Variants in SLC17A2 observed in about 807,000 individuals in gnomAD.
SLC17A2 encodes sodium-dependent phosphate transport protein 3.
SLC17A2 carries 38 observed loss-of-function variants against 52.1 expected under a neutral mutation model. The observed-to-expected ratio is 0.73, with a 90% CI of 0.56 to 0.96. SLC17A2 has a LOEUF of 0.96. SLC17A2 is among the 40% of genes least tolerant of loss of function. SLC17A2 has a pLI of 0.00. For synonymous variants in SLC17A2, 226 were observed against 211.9 expected (o/e 1.07, Z -0.58); for missense variants, 508 against 583.9 (o/e 0.87, Z 1.34).
intron 10 of SLC17A2, 69 bp downstream of exon 10, chr6:25,915,430 C>A: frequency 7.4e-7 from 1 of 1,350,358 alleles, no homozygotes; most frequent in Non-Finnish European, 9.9e-7. Context: ...AAGAGTTTCA[C>A]GGCGACCACT....
chr6:25,926,847 A>G lies in SLC17A2; in HGVS notation c.-83-968T>C, dbSNP rs139966239. 4.3e-3 allele frequency among the ~76,000 whole-genome samples: 655 copies of G among 152,276 alleles called. 4 individuals are homozygous for G. The highest frequency in any genetic ancestry group is 0.014 in the African/African-American group (579 of 41,554). The stretch of plus-strand genomic sequence containing the variant: ...TTTGGGAGACTGAGGTGGGTGGATC[A>G]CTTGAGGTCAGGTGTTCGAGATCAT... On this transcript the variant is annotated intron_variant, in intron 1 of 11. Transcript: ENST00000377850.
intron 2 of SLC17A2, among the ~76,000 whole-genome samples, chr6:25,924,441 GT>G (rs1766678424): frequency 6.6e-6 from 1 of 151,720 alleles, no homozygotes; most frequent in Non-Finnish European, 1.5e-5. Flanking sequence ...TAATTCCCTA[GT>G]GTAATGTCTA....
intron 6 of SLC17A2, 67 bp downstream of exon 6, chr6:25,918,420 G>C (rs1454665163): frequency 2.1e-6 from 2 of 934,322 alleles, no homozygotes; most frequent in African/African-American, 3.2e-5. Flanking sequence ...AAGAATGTGG[G>C]TGGTGTAGGT....
intron 5 of SLC17A2, among the ~76,000 whole-genome samples, chr6:25,919,775 T>C (rs1233680107): frequency 6.7e-6 from 1 of 148,864 alleles, no homozygotes; most frequent in Non-Finnish European, 1.5e-5. Context: ...AGATGGAATT[T>C]TGGCACAAGG....
chr6:25,922,185 G>A (rs1451413326), intron 3 of SLC17A2, among the ~76,000 whole-genome samples: 1 of 151,792 alleles, frequency 6.6e-6, no homozygotes, highest in Non-Finnish European at 1.5e-5. Context: ...ATAATACAAG[G>A]TATATGATTC....
Position 25,913,216 on chromosome 6 carries a change from G to T in SLC17A2, c.*101C>A. ...CAGGGAAGACTAACACACAGCCAGA[G>T]TTAAGAACTGCTGAGTCTATGGTCA... On this transcript the variant is annotated 3_prime_UTR_variant, in exon 12 of 12. Coordinates refer to ENST00000377850, the MANE Select transcript of SLC17A2 (RefSeq NM_001286123.3). The T allele has an allele frequency of 7.7e-7, 1 of 1,296,470 alleles. No individual in the cohort carries two copies. Among genetic ancestry groups the T allele is most frequent in the Non-Finnish European group, 1.1e-6 (1 of 898,598 alleles). The allele number at this position is 1,296,470 out of a possible 1,614,324, so 80.3% of individuals were successfully genotyped here.
intron 1 of SLC17A2, among the ~76,000 whole-genome samples, chr6:25,926,134 TC>T (rs754958265): frequency 7.2e-5 from 11 of 152,178 alleles, no homozygotes; most frequent in Non-Finnish European, 1.0e-4. Context: ...AAGATAAGGC[TC>T]CTTTCTTAGT....
At chr6:25,915,968 T>C (rs1399462733) in intron 8 of SLC17A2, 100 bp from the exon 9 acceptor site, 1 of 1,111,930 alleles carries the variant, frequency 9.0e-7, no homozygotes, top group African/African-American at 1.6e-5. Flanking sequence ...CATGATACTG[T>C]GGGTTGTTTG....
intron 8 of SLC17A2, 90 bp from the exon 9 acceptor site, chr6:25,915,958 C>G: frequency 7.9e-7 from 1 of 1,271,338 alleles, no homozygotes; most frequent in Non-Finnish European, 1.1e-6. Flanking sequence ...AACTTACCCC[C>G]ATGATACTGT....
chr6:25,929,500 T>C (rs543083607), intron 1 of SLC17A2, among the ~76,000 whole-genome samples: 74 of 152,288 alleles, frequency 4.9e-4, no homozygotes, highest in African/African-American at 1.6e-3. Context: ...GTGCCTTTGA[T>C]TGGTTGTTAA....
In SLC17A2 at chr6:25,925,793, C is replaced by A; in HGVS notation, c.4G>T (p.Asp2Tyr). 1 of 1,614,186 alleles carries A rather than the reference C, an allele frequency of 6.2e-7. No individual in the cohort carries two copies. The change falls in exon 2 of 12, where the codon GAC becomes TAC. Residue 2 changes from aspartate to tyrosine, a missense_variant. Coordinates refer to ENST00000377850, the MANE Select transcript of SLC17A2 (RefSeq NM_001286123.3). ...CCTTTCCTGGTGGCAGGCTTCCCGT[C>A]CATTTAGCTTCTGTGGGAAATGGTA... M[D>Y]GKPATRKGPD...
rs561283341 is a variant in SLC17A2, at chr6:25,917,894, C to T, written c.649+593G>A. On this transcript the variant is annotated intron_variant, in intron 6 of 11. Coordinates refer to ENST00000377850, the MANE Select transcript of SLC17A2 (RefSeq NM_001286123.3). ...AAAACATAGAATGGATTCCTTGCCT[C>T]AAGCATTTCACAGTCTAGTGGAAAG... Among the ~76,000 whole-genome samples the T allele has an allele frequency of 6.6e-5, 10 of 152,264 alleles. No individual in the cohort carries two copies. In the South Asian group the frequency reaches 2.1e-3, roughly 32 times the overall value.
At position 25,916,818 on chromosome 6, in the gene SLC17A2, A is replaced by T; in HGVS notation, c.797T>A (p.Ile266Lys). The change falls in exon 8 of 12, where the codon ATA (isoleucine) becomes AAA (lysine). Residue 266 changes from isoleucine (I) to lysine (K), a missense_variant. Physicochemically the swap from Ile to Lys is moderately radical, Grantham distance 102. Transcript: ENST00000377850. ...QPSSPGRAVP[I>K]KAMVTCLPLW... ...TGGTAGGCATGTGACCATCGCCTTT[A>T]TGGGGACAGCTCGTCCAGGAGAACT... 1 of 1,614,182 alleles carries T rather than the reference A, an allele frequency of 6.2e-7. No homozygotes were observed. Among genetic ancestry groups the T allele is most frequent in the Non-Finnish European group, 8.5e-7 (1 of 1,180,024 alleles).
At chr6:25,913,621 T>G (rs1430630989) in intron 11 of SLC17A2, among the ~76,000 whole-genome samples, 170 bp from the exon 12 acceptor site, 1 of 152,152 alleles carries the variant, frequency 6.6e-6, no homozygotes, top group African/African-American at 2.4e-5. Context: ...ATGGCCAAAA[T>G]GCACATGGGG....
At chr6:25,917,160 C>A in intron 6 of SLC17A2, 73 bp from the exon 7 acceptor site, 1 of 1,002,780 alleles carries the variant, frequency 1.0e-6, no homozygotes, top group Non-Finnish European at 1.6e-6. Flanking sequence ...TCTGAAGTGG[C>A]ATGCCTCTCC....
intron 5 of SLC17A2, among the ~76,000 whole-genome samples, chr6:25,920,505 A>T (rs1357798924): frequency 6.6e-6 from 1 of 152,194 alleles, no homozygotes; most frequent in Non-Finnish European, 1.5e-5. Context: ...ATAAGAATTT[A>T]AAATGGTACT....
intron 11 of SLC17A2, among the ~76,000 whole-genome samples, chr6:25,913,710 T>A (rs1369989309): frequency 6.6e-6 from 1 of 152,128 alleles, no homozygotes; most frequent in African/African-American, 2.4e-5. Flanking sequence ...TTTCAACATA[T>A]AATATTACTC....
chr6:25,916,662 A>G (rs764475086), intron 8 of SLC17A2, 23 bp downstream of exon 8: 10 of 1,585,962 alleles, frequency 6.3e-6, no homozygotes, highest in Non-Finnish European at 6.9e-6. Flanking sequence ...TCATTTTCGT[A>G]GAAGTATAGG....
intron 11 of SLC17A2, among the ~76,000 whole-genome samples, chr6:25,914,157 A>C (rs1158194975): frequency 1.3e-5 from 2 of 152,188 alleles, no homozygotes; most frequent in African/African-American, 4.8e-5. Flanking sequence ...ACATTAAATT[A>C]TCTTTAAACT....
Sources: allele counts gnomAD v4.1 joint callset (sites outside exome capture counted in the v4.1 genomes callset), GRCh38; gene constraint gnomAD v4.1.1; transcripts MANE v1.5; gene names NCBI Gene and HGNC (gene_info 2026-07-23, HGNC 2026-07-21).